Variants in ZBTB32 observed in about 807,000 individuals in gnomAD.
ZBTB32 encodes the protein zinc finger and BTB domain containing 32, also known as zinc finger and BTB domain-containing protein 32.
Under a neutral mutation model 45.3 loss-of-function variants are expected in ZBTB32, and 28 were observed. The observed-to-expected ratio is 0.62, with a 90% CI of 0.46 to 0.85. ZBTB32 has a LOEUF of 0.85. Among genes scored for constraint, ZBTB32 ranks in the 40% least tolerant of loss-of-function variants. The pLI, the probability that ZBTB32 is intolerant of heterozygous loss-of-function variation, is 0.00. For missense variants in ZBTB32, 587 were observed against 624.4 expected (o/e 0.94, Z 0.64); for synonymous variants, 283 against 255.7 (o/e 1.11, Z -1.02).
intron 1 of ZBTB32, among the ~76,000 whole-genome samples, chr19:35,706,312 A>C (rs1968541843): frequency 6.6e-6 from 1 of 152,006 alleles, no homozygotes; most frequent in Admixed American, 6.6e-5. Flanking sequence ...CTGTTCTGAT[A>C]ATTCCTAGAA....
Position 35,716,311 on chromosome 19 carries a change from G to T in ZBTB32, c.1189+14G>T, listed in dbSNP as rs376730289. On this transcript the variant is annotated intron_variant, in intron 6 of 6. Transcript: ENST00000392197. The stretch of plus-strand genomic sequence containing the variant: ...GAGTCCACACAGGTATGGGCGCCCT[G>T]CCCTGTGTGAACTGTCGGCTTTCTT... 7.2e-5 allele frequency: 116 copies of T among 1,613,372 alleles called. No individual in the cohort carries two copies. The highest frequency in any genetic ancestry group is 9.3e-5 in the African/African-American group (7 of 74,924).
intron 1 of ZBTB32, among the ~76,000 whole-genome samples, chr19:35,711,964 G>A (rs11666978): frequency 3.5e-5 from 5 of 141,350 alleles, no homozygotes; most frequent in South Asian, 4.4e-4. Flanking sequence ...GGCAGAGGTC[G>A]CAGTGAGCTG....
rs1968939059 is a variant in ZBTB32, at chr19:35,717,009, T to C, written c.*257T>C. On this transcript the variant is annotated 3_prime_UTR_variant, in exon 7 of 7. Coordinates refer to ENST00000392197, the MANE Select transcript of ZBTB32 (RefSeq NM_014383.3). ...GGGGAGATTGTCGATCTCATCACCA[T>C]AATAAAGAGTTTCCTGTGCCCTCCC... 1 of 535,980 alleles carries C rather than the reference T, an allele frequency of 1.9e-6. No individual in the cohort carries two copies. The allele number at this position is 535,980 out of a possible 1,614,324, so 33.2% of individuals were successfully genotyped here.
intron 1 of ZBTB32, among the ~76,000 whole-genome samples, chr19:35,707,011 C>T (rs893091194): frequency 7.2e-5 from 11 of 151,932 alleles, no homozygotes; most frequent in Non-Finnish European, 1.5e-4. Context: ...GGTGCTGGCA[C>T]ATGAAGTGTG....
chr19:35,715,050 C>A lies in ZBTB32; in HGVS notation c.424C>A (p.Leu142Met), dbSNP rs771794434. The A allele has an allele frequency of 2.5e-6, 4 of 1,613,556 alleles. No homozygotes were observed. The South Asian group carries it at 3.3e-5, about 13-fold the overall frequency. ...EKPSRNPERE[L>M]GDPGEKQKPE... Reference sequence around the variant, plus strand: ...ACCCTCAAGGAATCCTGAGAGAGAACTGGGGGACCCTGGAGAGAAGCAGAA... The same window carrying A: ...ACCCTCAAGGAATCCTGAGAGAGAAATGGGGGACCCTGGAGAGAAGCAGAA... The change falls in exon 3 of 7, where the codon CTG becomes ATG. Residue 142 changes from leucine to methionine, a missense_variant. Coordinates refer to ENST00000392197, the MANE Select transcript of ZBTB32 (RefSeq NM_014383.3).
chr19:35,716,297 G>A lies in ZBTB32; in HGVS notation c.1189G>A (p.Gly397Arg). The A allele has an allele frequency of 6.2e-7, 1 of 1,613,890 alleles. No homozygotes were observed. Among genetic ancestry groups the A allele is most frequent in the Non-Finnish European group, 8.5e-7 (1 of 1,179,996 alleles). ...QMETHYRVHTGEKPFSCSLCP... is the reference protein window; with the variant it reads ...QMETHYRVHTREKPFSCSLCP... ...GGAGACGCACTACCGAGTCCACACA[G>A]GTATGGGCGCCCTGCCCTGTGTGAA... The change falls in exon 6 of 7, where the codon GGA becomes AGA. Residue 397 changes from glycine to arginine, a missense_variant and splice_region_variant. By Grantham distance (125) the Gly-to-Arg change is moderately radical. Coordinates refer to ENST00000392197, the MANE Select transcript of ZBTB32 (RefSeq NM_014383.3).
At position 35,715,165 on chromosome 19, in the gene ZBTB32, C is replaced by A. The variant is rs768724617; in HGVS notation, c.539C>A (p.Ala180Glu). 4 of 1,613,600 alleles carry A rather than the reference C, an allele frequency of 2.5e-6. No homozygotes were observed. Among genetic ancestry groups the A allele is most frequent in the Non-Finnish European group, 3.4e-6 (4 of 1,179,944 alleles). Residue 180 changes from alanine to glutamate, a missense_variant, in exon 3 of 7, where the codon GCA (alanine) becomes GAA (glutamate). Coordinates refer to ENST00000392197, the MANE Select transcript of ZBTB32 (RefSeq NM_014383.3). The part of the protein sequence containing the change: ...PPRGRPEMAG[A>E]TQEAQQEQTR... ...AGAGGCAGACCCGAGATGGCAGGAG[C>A]AACGCAGGAGGCTCAGCAGGAACAG... is the stretch of plus-strand genomic sequence containing the variant.
chr19:35,707,707 C>G (rs1968582826), intron 1 of ZBTB32, among the ~76,000 whole-genome samples: 1 of 152,116 alleles, frequency 6.6e-6, no homozygotes, highest in African/African-American at 2.4e-5. Flanking sequence ...TGGTCCCAGG[C>G]TGGGTGGCTC....
chr19:35,705,381 G>C (rs975825540), intron 1 of ZBTB32, among the ~76,000 whole-genome samples: 1 of 152,100 alleles, frequency 6.6e-6, no homozygotes, highest in Non-Finnish European at 1.5e-5. Context: ...GATGAAACTA[G>C]TGTGCACATG....
Position 35,716,968 on chromosome 19 carries a change from G to A in ZBTB32, c.*216G>A. 1.7e-6 allele frequency: 1 copy of A among 598,232 alleles called. No homozygotes were observed. The highest frequency in any genetic ancestry group is 3.0e-6 in the Non-Finnish European group (1 of 338,084). The allele number at this position is 598,232 out of a possible 1,614,324, so 37.1% of individuals were successfully genotyped here. A position where few individuals can be genotyped will look rare whatever the true frequency, so the allele number is the denominator to read the frequency against. On this transcript the variant is annotated 3_prime_UTR_variant, in exon 7 of 7. Coordinates refer to ENST00000392197, the MANE Select transcript of ZBTB32 (RefSeq NM_014383.3). ...AGTGAGGACACTGAAGTGTGCAGGA[G>A]CGAAGGTTAACAGTAGGGGAGATTG...
intron 1 of ZBTB32, among the ~76,000 whole-genome samples, chr19:35,710,415 G>A (rs145743227): frequency 2.0e-5 from 3 of 152,038 alleles, no homozygotes; most frequent in African/African-American, 7.2e-5. Context: ...TTCCTACCGA[G>A]TCAGCCCAGG....
In ZBTB32 at chr19:35,716,275, G is replaced by C. The variant is rs1233999346; in HGVS notation, c.1167G>C (p.Glu389Asp). ...GKRFSLKHQM[E>D]THYRVHTGEK... ...GGTTTTCACTCAAGCATCAGATGGA[G>C]ACGCACTACCGAGTCCACACAGGTA... Residue 389 changes from glutamate (E) to aspartate (D), a missense_variant, in exon 6 of 7, where the codon GAG becomes GAC. Glu to Asp is a conservative substitution (Grantham distance 45, BLOSUM62 2). Coordinates refer to ENST00000392197, the MANE Select transcript of ZBTB32 (RefSeq NM_014383.3). 1.2e-6 allele frequency: 2 copies of C among 1,613,788 alleles called. No individual in the cohort carries two copies. The highest frequency in any genetic ancestry group is 1.7e-6 in the Non-Finnish European group (2 of 1,179,998).
At chr19:35,708,201 T>C (rs879673628) in intron 1 of ZBTB32, among the ~76,000 whole-genome samples, 1 of 152,144 alleles carries the variant, frequency 6.6e-6, no homozygotes, top group Non-Finnish European at 1.5e-5. Flanking sequence ...ACAAATCCCT[T>C]ACACAAAATC....
chr19:35,716,426 C>T, intron 6 of ZBTB32, 52 bp from the exon 7 acceptor site: 2 of 1,585,152 alleles, frequency 1.3e-6, no homozygotes, highest in Non-Finnish European at 1.7e-6. Flanking sequence ...ACTTGGCCAG[C>T]TTTCGCCGCC....
rs1568363871 is a variant in ZBTB32 at position 35,716,753 on chromosome 19, C to CG, written c.*5dup. 1 of 1,598,514 alleles carries CG rather than the reference C, an allele frequency of 6.3e-7. No individual in the cohort carries two copies. The highest frequency in any genetic ancestry group is 2.3e-5 in the East Asian group (1 of 44,414). On this transcript the variant is annotated 3_prime_UTR_variant, in exon 7 of 7. Transcript: ENST00000392197. ...TTGTCCTTCTTCCTCCACCACCTGA[C>CG]GGGGTGTCGGTAGCGTCTTAGCCAA...
At chr19:35,706,105 G>A (rs1231830905) in intron 1 of ZBTB32, among the ~76,000 whole-genome samples, 2 of 151,540 alleles carry the variant, frequency 1.3e-5, no homozygotes, top group South Asian at 2.1e-4. Context: ...GCACATGCCT[G>A]TAATCCCAGC....
chr19:35,707,972 ACT>A (rs1470047795), intron 1 of ZBTB32, among the ~76,000 whole-genome samples: 1 of 151,798 alleles, frequency 6.6e-6, no homozygotes, highest in African/African-American at 2.4e-5. Context: ...ACAGAAGGAG[ACT>A]CTGTCTCAAT....
intron 1 of ZBTB32, among the ~76,000 whole-genome samples, chr19:35,705,837 C>T (rs980984025): frequency 2.0e-5 from 3 of 148,662 alleles, no homozygotes; most frequent in African/African-American, 2.5e-5. Flanking sequence ...CTTGAACCCA[C>T]GAGGCGGAGG....
intron 2 of ZBTB32, chr19:35,713,391 G>C (rs1331248708): frequency 1.3e-5 from 2 of 152,474 alleles, no homozygotes; most frequent in Admixed American, 6.5e-5. Context: ...CTAGCTCCAG[G>C]GGGGGCCCCA....
Sources: allele counts gnomAD v4.1 joint callset (sites outside exome capture counted in the v4.1 genomes callset), GRCh38; gene constraint gnomAD v4.1.1; transcripts MANE v1.5; gene names NCBI Gene and HGNC (gene_info 2026-07-23, HGNC 2026-07-21).